LEKR1: variants seen among roughly 807,000 people sequenced by gnomAD.
LEKR1 encodes the protein leucine, glutamate and lysine rich 1.
A neutral mutation model predicts 72.4 loss-of-function variants in LEKR1; 59 were observed. That is an observed-to-expected ratio of 0.82 (90% confidence interval 0.66 to 1.01). LEKR1 has a LOEUF of 1.01. Ranked by LOEUF, LEKR1 falls within the 50% of genes least tolerant of loss-of-function variation. The probability of loss-of-function intolerance (pLI) is 0.00; values close to 1 mark genes in which losing one functional copy is unlikely to be tolerated. For synonymous variants in LEKR1, 257 were observed against 263.2 expected, an observed-to-expected ratio of 0.98 and a Z score of 0.23; for missense variants, 728 against 759.2, an observed-to-expected ratio of 0.96 and a Z score of 0.48.
intron 6 of LEKR1, among the ~76,000 whole-genome samples, chr3:156,963,092 A>G (rs1034774105): frequency 6.6e-6 from 1 of 152,116 alleles, no homozygotes; most frequent in African/African-American, 2.4e-5. Context: ...ACATCATCCC[A>G]TCCCAATGTT....
rs1576839399 is a variant in LEKR1, at chr3:156,927,452, A to G, written c.407A>G (p.Tyr136Cys). The change falls in exon 5 of 13, where the codon TAT becomes TGT. Residue 136 changes from tyrosine to cysteine, a missense_variant. Physicochemically the swap from Tyr to Cys is radical, Grantham distance 194. Transcript: ENST00000356539. ...AGTCAAAGATTGTCAGAGTACAAATATTTCTGGAATAAGACTCTTTCATTA... is the reference window on the plus strand; with the variant it reads ...AGTCAAAGATTGTCAGAGTACAAATGTTTCTGGAATAAGACTCTTTCATTA... ...IFSQRLSEYK[Y>C]FWNKTLSLLT... is the part of the protein sequence containing the mutation. The G allele has an allele frequency of 8.9e-7, 1 of 1,122,368 alleles. No homozygotes were observed. Among genetic ancestry groups the G allele is most frequent in the African/African-American group, 1.7e-5 (1 of 58,028 alleles). The allele number at this position is 1,122,368 out of a possible 1,614,324, so 69.5% of individuals were successfully genotyped here.
rs1474152325 is a variant in LEKR1, at chr3:156,923,437, TCTTTACATCTGG to T, written c.383+2748_383+2759del. Among the ~76,000 whole-genome samples, 3 of 152,238 alleles carry T rather than the reference TCTTTACATCTGG, an allele frequency of 2.0e-5. No homozygotes were observed. In the East Asian group the frequency reaches 5.8e-4, roughly 29 times the overall value. On this transcript the variant is annotated intron_variant, in intron 4 of 12. Coordinates refer to ENST00000356539, the MANE Select transcript of LEKR1 (RefSeq NM_001004316.3). ...ATATATGGAATCATACAATATGTTG[TCTTTACATCTGG>T]CTTTTACTAATTATGTTTTTGAGGT...
At chr3:156,879,792 A>G (rs1388564675) in intron 3 of LEKR1, among the ~76,000 whole-genome samples, 1 of 152,222 alleles carries the variant, frequency 6.6e-6, no homozygotes, top group Non-Finnish European at 1.5e-5. Flanking sequence ...AAAAGGCGCC[A>G]AGGTACAGCT....
At chr3:156,973,692 T>C (rs1729446095) in intron 6 of LEKR1, among the ~76,000 whole-genome samples, 1 of 151,840 alleles carries the variant, frequency 6.6e-6, no homozygotes, top group Non-Finnish European at 1.5e-5. Flanking sequence ...GAAAGCTCAA[T>C]TGGAATGGAT....
chr3:156,833,020 A>T (rs1374064295), intron 2 of LEKR1, among the ~76,000 whole-genome samples: 1 of 152,242 alleles, frequency 6.6e-6, no homozygotes, highest in African/African-American at 2.4e-5. Context: ...ACGTAGAGAG[A>T]AAGAAATATG....
At chr3:156,839,557 G>A (rs538101457) in intron 2 of LEKR1, among the ~76,000 whole-genome samples, 7 of 152,330 alleles carry the variant, frequency 4.6e-5, no homozygotes, top group African/African-American at 1.7e-4. Flanking sequence ...AAAGGTCAGA[G>A]GGTGAAGGGT....
At chr3:157,042,090 C>T (rs1735389797) in intron 12 of LEKR1, among the ~76,000 whole-genome samples, 2 of 152,124 alleles carry the variant, frequency 1.3e-5, no homozygotes, top group South Asian at 4.1e-4. Context: ...TTGAACAAAA[C>T]AGAGTTATAA....
At chr3:156,946,208 T>C (rs1013476027) in intron 6 of LEKR1, among the ~76,000 whole-genome samples, 2 of 151,636 alleles carry the variant, frequency 1.3e-5, no homozygotes, top group Non-Finnish European at 3.0e-5. Context: ...GTAATTATTG[T>C]AAATAGGATG....
intron 2 of LEKR1, among the ~76,000 whole-genome samples, chr3:156,848,685 C>G (rs1714933422): frequency 6.6e-6 from 1 of 152,110 alleles, no homozygotes; most frequent in Admixed American, 6.5e-5. Flanking sequence ...ACAGTATCAA[C>G]CAATGTGATA....
intron 3 of LEKR1, among the ~76,000 whole-genome samples, chr3:156,876,742 A>G (rs896086673): frequency 2.6e-5 from 4 of 152,212 alleles, no homozygotes; most frequent in East Asian, 1.9e-4. Context: ...AGGGTTTTCT[A>G]GGTATACAAT....
chr3:156,866,719 C>A (rs572025367), intron 3 of LEKR1, among the ~76,000 whole-genome samples: 25 of 151,876 alleles, frequency 1.6e-4, no homozygotes, highest in African/African-American at 6.0e-4. Context: ...GGATGGCTGG[C>A]TGGCTGGATG....
intron 6 of LEKR1, among the ~76,000 whole-genome samples, chr3:156,954,049 A>C (rs1258253419): frequency 6.6e-6 from 1 of 151,934 alleles, no homozygotes; most frequent in African/African-American, 2.4e-5. Flanking sequence ...CTTTTTAATA[A>C]TCACCATTCT....
intron 9 of LEKR1, among the ~76,000 whole-genome samples, chr3:157,004,938 A>T (rs548649845): frequency 6.6e-6 from 1 of 152,186 alleles, no homozygotes; most frequent in Admixed American, 6.5e-5. Context: ...AAAGTAAAAA[A>T]TATCAGAGTT....
At chr3:156,883,572 TTGG>T (rs1194601131) in intron 3 of LEKR1, among the ~76,000 whole-genome samples, 2 of 152,214 alleles carry the variant, frequency 1.3e-5, no homozygotes, top group African/African-American at 4.8e-5. Flanking sequence ...TGGGAGGGAC[TTGG>T]TGGGAGATAA....
intron 10 of LEKR1, chr3:157,017,426 G>A (rs1733432977): frequency 6.6e-6 from 1 of 152,178 alleles, no homozygotes; most frequent in South Asian, 2.1e-4. Flanking sequence ...CTAAGCAGGT[G>A]TCCCCATCCT....
chr3:156,909,869 TCCACTTAATGCTTTTGC>T (rs968052645), intron 3 of LEKR1, among the ~76,000 whole-genome samples: 1 of 152,084 alleles, frequency 6.6e-6, no homozygotes, highest in Non-Finnish European at 1.5e-5. Context: ...ATTTCTTTGT[TCCACTTAATGCTTTTGC>T]TAATTTTTAA....
chr3:157,012,139 C>T (rs756893539), intron 10 of LEKR1, among the ~76,000 whole-genome samples: 12 of 152,092 alleles, frequency 7.9e-5, no homozygotes, highest in South Asian at 2.1e-4. Context: ...CCTTCTCAGA[C>T]CATCCACAGC....
intron 3 of LEKR1, among the ~76,000 whole-genome samples, chr3:156,906,264 TATA>T (rs1722525066): frequency 6.6e-6 from 1 of 152,228 alleles, no homozygotes; most frequent in African/African-American, 2.4e-5. Flanking sequence ...AAGAAGGGAC[TATA>T]ATATCATTCT....
At chr3:157,002,925 C>T (rs1732123888) in intron 9 of LEKR1, among the ~76,000 whole-genome samples, 1 of 151,986 alleles carries the variant, frequency 6.6e-6, no homozygotes, top group South Asian at 2.1e-4. Context: ...GTACTGAGTC[C>T]ATCAGAGGAA....
Sources: allele counts gnomAD v4.1 joint callset (sites outside exome capture counted in the v4.1 genomes callset), GRCh38; gene constraint gnomAD v4.1.1; transcripts MANE v1.5; gene names NCBI Gene and HGNC (gene_info 2026-07-23, HGNC 2026-07-21).